Variants in DDX54 observed in about 807,000 individuals in gnomAD.
DDX54 encodes the protein DEAD-box helicase 54, also known as ATP-dependent RNA helicase DDX54.
Under a neutral mutation model 105.5 loss-of-function variants are expected in DDX54, and 67 were observed. That is an observed-to-expected ratio of 0.64 (90% CI 0.52 to 0.78). The LOEUF (loss-of-function observed/expected upper bound fraction) is 0.78, where lower values mean the gene tolerates loss of function less well. Among genes scored for constraint, DDX54 ranks in the 30% least tolerant of loss-of-function variants. The pLI is 0.00. For missense variants in DDX54, 1,206 were observed against 1,230.5 expected (o/e 0.98, Z 0.30); for synonymous variants, 514 against 509.9 (o/e 1.01, Z -0.11).
Position 113,165,881 on chromosome 12 carries a change from T to TGAGC in DDX54, c.1562_1565dup (p.Arg523LeufsTer8). 6.2e-7 allele frequency: 1 copy of TGAGC among 1,613,674 alleles called. No individual in the cohort carries two copies. Among genetic ancestry groups the TGAGC allele is most frequent in the Non-Finnish European group, 8.5e-7 (1 of 1,179,994 alleles). On this transcript the variant is annotated frameshift_variant, in exon 13 of 20. Transcript: ENST00000306014. LOFTEE classifies it high-confidence loss of function. ...TGGACTCAGGCGAGGGCGCCGGGCG[T>TGAGC]GAGCGCACATACTGCTGCTGGGCGT...
chr12:113,174,611 G>A, intron 10 of DDX54, 29 bp downstream of exon 10: 5 of 1,603,594 alleles, frequency 3.1e-6, no homozygotes, highest in Middle Eastern at 1.7e-4. Context: ...GCTGAAGGAG[G>A]TGCTCCTCCC....
chr12:113,175,810 G>A (rs1284914323), intron 7 of DDX54, among the ~76,000 whole-genome samples: 3 of 151,930 alleles, frequency 2.0e-5, no homozygotes, highest in Non-Finnish European at 4.4e-5. Context: ...AAAATTAGCT[G>A]GGCATGGTGG....
At chr12:113,160,922 T>C (rs1480843326) in intron 19 of DDX54, among the ~76,000 whole-genome samples, 1 of 152,126 alleles carries the variant, frequency 6.6e-6, no homozygotes, top group East Asian at 1.9e-4. Context: ...TTTTACACAA[T>C]CGGCTTAATT....
At position 113,179,211 on chromosome 12, in the gene DDX54, C is replaced by T. The variant is rs200060201; in HGVS notation, c.496G>A (p.Gly166Arg). 1.7e-5 allele frequency: 28 copies of T among 1,613,978 alleles called. No homozygotes were observed. The highest frequency in any genetic ancestry group is 1.6e-4 in the Middle Eastern group (1 of 6,084). Residue 166 changes from glycine to arginine, a missense_variant, in exon 4 of 20, where the codon GGG (glycine) becomes AGG (arginine). Gly to Arg is a moderately radical substitution (Grantham distance 125). Transcript: ENST00000306014. ...ERLKTHSAQT[G>R]ARALILSPTR... ...GGCGAGAGGATGAGGGCGCGGGCCC[C>T]GGTCTGGGCACTGTGGGTCTTGAGC...
At position 113,157,812 on chromosome 12, in the gene DDX54, G is replaced by A. The variant is rs959892735; in HGVS notation, c.*1065C>T. ...TCCTCATTGGGAAGATGGGAGGGCT[G>A]TGCCTGTTCAGAGTGCTGTGGGCCT... On this transcript the variant is annotated 3_prime_UTR_variant, in exon 20 of 20. Coordinates refer to ENST00000306014, the MANE Select transcript of DDX54 (RefSeq NM_024072.4). The A allele has an allele frequency of 5.2e-6, 4 of 763,064 alleles. No individual in the cohort carries two copies. Among genetic ancestry groups the A allele is most frequent in the Admixed American group, 4.3e-5 (2 of 46,322 alleles). The allele number at this position is 763,064 out of a possible 1,614,324, so 47.3% of individuals were successfully genotyped here. A position where few individuals can be genotyped will look rare whatever the true frequency, so the allele number is the denominator to read the frequency against.
chr12:113,184,491 G>A (rs990439615), intron 1 of DDX54, among the ~76,000 whole-genome samples: 1 of 152,152 alleles, frequency 6.6e-6, no homozygotes, highest in Admixed American at 6.5e-5. Flanking sequence ...AAATAATAAG[G>A]CTCGTACAGC....
chr12:113,157,561 A>C lies in DDX54; in HGVS notation c.*1316T>G. ...GTTGAGGGGTGGGGGCTGGACAGTG[A>C]CTCTGGGGCTGGGATGTGACTTCGT... is the stretch of plus-strand genomic sequence containing the variant. On this transcript the variant is annotated 3_prime_UTR_variant, in exon 20 of 20. Coordinates refer to ENST00000306014, the MANE Select transcript of DDX54 (RefSeq NM_024072.4). 1 of 1,529,012 alleles carries C rather than the reference A, an allele frequency of 6.5e-7. No individual in the cohort carries two copies. The highest frequency in any genetic ancestry group is 8.9e-7 in the Non-Finnish European group (1 of 1,126,826). The allele number at this position is 1,529,012 out of a possible 1,614,324, so 94.7% of individuals were successfully genotyped here.
intron 7 of DDX54, 106 bp from the exon 8 acceptor site, chr12:113,175,263 C>A: frequency 6.9e-7 from 1 of 1,445,344 alleles, no homozygotes; most frequent in South Asian, 1.4e-5. Flanking sequence ...CCAGGGCTTG[C>A]CTCACTCTAA....
In DDX54 at chr12:113,163,344, C is replaced by T. The variant is rs925179825; in HGVS notation, c.1939-70G>A. The T allele has an allele frequency of 1.9e-6, 3 of 1,544,752 alleles. No homozygotes were observed. Among genetic ancestry groups the T allele is most frequent in the South Asian group, 1.2e-5 (1 of 83,692 alleles). On this transcript the variant is annotated intron_variant, in intron 15 of 19. Transcript: ENST00000306014. This position sits in a 1 kb window ranked among gnomAD's most constrained non-coding sequence, Gnocchi z 5.9. ...CTGGGGACTTCCCCCTGCCTCCCTACCCACCAGCCTGGCCACAGTGAGGGG... is the reference window on the plus strand; with the variant it reads ...CTGGGGACTTCCCCCTGCCTCCCTATCCACCAGCCTGGCCACAGTGAGGGG...
Position 113,157,502 on chromosome 12 carries a change from C to A in DDX54, c.*1375G>T. The A allele has an allele frequency of 1.1e-6, 1 of 884,028 alleles. No homozygotes were observed. The highest frequency in any genetic ancestry group is 1.5e-5 in the South Asian group (1 of 67,454). The allele number at this position is 884,028 out of a possible 1,614,324, so 54.8% of individuals were successfully genotyped here. ...ACTGTTCTTTTAATGAGGGGATCTC[C>A]AGTCCCCGCCCTACCTTTCGGCCTC... On this transcript the variant is annotated 3_prime_UTR_variant, in exon 20 of 20. Coordinates refer to ENST00000306014, the MANE Select transcript of DDX54 (RefSeq NM_024072.4).
intron 12 of DDX54, chr12:113,168,007 C>A: frequency 2.1e-6 from 1 of 484,418 alleles, no homozygotes; most frequent in Non-Finnish European, 4.1e-6. Flanking sequence ...CTTTGAAATG[C>A]CCTTTAGGCG....
intron 14 of DDX54, 40 bp downstream of exon 14, chr12:113,165,604 G>A (rs1232165244): frequency 6.4e-7 from 1 of 1,560,462 alleles, no homozygotes; most frequent in East Asian, 2.3e-5. Flanking sequence ...GCTCCACAGA[G>A]CCAGGACTCA....
chr12:113,164,649 G>A (rs911023490), intron 14 of DDX54, among the ~76,000 whole-genome samples: 1 of 152,056 alleles, frequency 6.6e-6, no homozygotes, highest in Admixed American at 6.6e-5. Context: ...AGAAGGCAGA[G>A]GTTGCAGTGA....
chr12:113,159,751 G>A (rs190555959), intron 19 of DDX54, among the ~76,000 whole-genome samples: 1 of 152,294 alleles, frequency 6.6e-6, no homozygotes, highest in Non-Finnish European at 1.5e-5. Context: ...AGCAGCAGCA[G>A]AGGTCAGCGA....
rs766395424 is a variant in DDX54 at position 113,157,754 on chromosome 12, G to C, written c.*1123C>G. ...ATAGGAGGGCCCACATTTCCAATGG[G>C]GTGTGGACTGAGTGGCTCTTCCTGA... On this transcript the variant is annotated 3_prime_UTR_variant, in exon 20 of 20. Transcript: ENST00000306014. 8.4e-6 allele frequency: 10 copies of C among 1,193,748 alleles called. No individual in the cohort carries two copies. Among genetic ancestry groups the C allele is most frequent in the Non-Finnish European group, 1.1e-5 (9 of 827,764 alleles). The allele number at this position is 1,193,748 out of a possible 1,614,324, so 73.9% of individuals were successfully genotyped here.
rs200064512 is a variant in DDX54 at position 113,179,960 on chromosome 12, T to A, written c.350A>T (p.Lys117Met). The change falls in exon 3 of 20, where the codon AAG becomes ATG. Residue 117 changes from lysine (K) to methionine (M), a missense_variant. By Grantham distance (95) the Lys-to-Met change is moderately conservative. Around this residue, in one of 3 missense-constraint regions of DDX54, gnomAD observed 33 missense variants for 56.0 expected, o/e 0.59. Coordinates refer to ENST00000306014, the MANE Select transcript of DDX54 (RefSeq NM_024072.4). ...CTTCCTCTGGATGGGTGTTGGCACC[T>A]TGTACCCCTTCTTCATGATGCCTTT... ...VFKGIMKKGY[K>M]VPTPIQRKTI... 14 of 1,613,994 alleles carry A rather than the reference T, an allele frequency of 8.7e-6. No homozygotes were observed. The highest frequency in any genetic ancestry group is 1.2e-5 in the Non-Finnish European group (14 of 1,180,026).
Position 113,165,882 on chromosome 12 carries a change from G to A in DDX54, c.1565C>T (p.Ser522Leu). Residue 522 changes from serine (S) to leucine (L), a missense_variant, in exon 13 of 20, where the codon TCA becomes TTA. Ser to Leu is a moderately radical substitution (Grantham distance 145, BLOSUM62 -2). This residue lies in a region of DDX54 where 961 missense variants were observed against 1,019.1 expected (regional missense o/e 0.94). Transcript: ENST00000306014. ...GGACTCAGGCGAGGGCGCCGGGCGT[G>A]AGCGCACATACTGCTGCTGGGCGTT... ...ADNAQQQYVR[S>L]RPAPSPESIK... is the part of the protein sequence containing the mutation. The A allele has an allele frequency of 6.2e-7, 1 of 1,613,684 alleles. No homozygotes were observed. The highest frequency in any genetic ancestry group is 1.3e-5 in the African/African-American group (1 of 75,058).
Position 113,185,453 on chromosome 12 carries a change from C to G in DDX54, c.-2G>C, listed in dbSNP as rs561085514. On this transcript the variant is annotated 5_prime_UTR_variant, in exon 1 of 20. Coordinates refer to ENST00000306014, the MANE Select transcript of DDX54 (RefSeq NM_024072.4). ...CGCCGGGCCCTTGTCGGCCGCCATTCGGGCCGCGCGCTGGGAACGCAGAAG... is the reference window on the plus strand; with the variant it reads ...CGCCGGGCCCTTGTCGGCCGCCATTGGGGCCGCGCGCTGGGAACGCAGAAG... The G allele has an allele frequency of 1.3e-3, 1,879 of 1,498,096 alleles. 29 individuals are homozygous for G. Among genetic ancestry groups the G allele is most frequent in the East Asian group, 2.9e-3 (109 of 37,850 alleles). The allele number at this position is 1,498,096 out of a possible 1,614,324, so 92.8% of individuals were successfully genotyped here. A position where few individuals can be genotyped will look rare whatever the true frequency, so the allele number is the denominator to read the frequency against.
chr12:113,171,383 C>T lies in DDX54; in HGVS notation c.1279+970G>A, dbSNP rs533794116. Among the ~76,000 whole-genome samples, 4 of 152,222 alleles carry T rather than the reference C, an allele frequency of 2.6e-5. No homozygotes were observed. In the South Asian group the frequency reaches 6.2e-4, roughly 24 times the overall value. On this transcript the variant is annotated intron_variant, in intron 11 of 19. Coordinates refer to ENST00000306014, the MANE Select transcript of DDX54 (RefSeq NM_024072.4). The stretch of plus-strand genomic sequence containing the variant: ...TTGGGAGGCTGAGGCAGATGCATCA[C>T]TTGAGGTTAGGAGTTCAAGACCACC...
Sources: gnomAD v4.1 joint callset for allele counts (sites outside exome capture counted in the v4.1 genomes callset) on GRCh38, gnomAD v4.1.1 for gene constraint, gnomAD v4.1.1 regional missense constraint, Gnocchi (gnomAD v3.1) non-coding constraint, MANE v1.5 for transcripts, NCBI Gene and HGNC (gene_info 2026-07-23, HGNC 2026-07-21) for gene names.